Variants in HHIP observed in about 807,000 individuals in gnomAD.
The protein encoded by HHIP is hedgehog-interacting protein.
A neutral mutation model predicts 74.0 loss-of-function variants in HHIP; 12 were observed. The observed-to-expected ratio is 0.16, with a 90% CI of 0.10 to 0.26. The LOEUF (loss-of-function observed/expected upper bound fraction) is 0.26. Ranked by LOEUF, HHIP falls within the 10% of genes least tolerant of loss-of-function variation. The probability of loss-of-function intolerance (pLI) is 1.00; values close to 1 mark genes in which losing one functional copy is unlikely to be tolerated. For missense variants in HHIP, 788 were observed against 845.0 expected, an observed-to-expected ratio of 0.93 and a Z score of 0.84; for synonymous variants, 309 against 311.6, an observed-to-expected ratio of 0.99 and a Z score of 0.09.
At position 144,742,859 on chromosome 4, in the gene HHIP, CTT is replaced by C. The variant is rs1491418262; in HGVS notation, c.*4903_*4904del. The stretch of plus-strand genomic sequence containing the variant: ...TATATATATATCTTTATATATATAT[CTT>C]ATATATATATCTTTTTATATATATC... On this transcript the variant is annotated 3_prime_UTR_variant, in exon 13 of 13. Transcript: ENST00000296575. 4 of 131,370 alleles carry C rather than the reference CTT, an allele frequency of 3.0e-5. No individual in the cohort carries two copies. Among genetic ancestry groups the C allele is most frequent in the Non-Finnish European group, 4.7e-5 (3 of 63,436 alleles). 8.1% of individuals were successfully genotyped at this position (131,370 alleles called of 1,614,324 possible).
At chr4:144,720,908 G>A (rs1206088063) in intron 11 of HHIP, among the ~76,000 whole-genome samples, 1 of 152,084 alleles carries the variant, frequency 6.6e-6, no homozygotes, top group East Asian at 1.9e-4. Flanking sequence ...TATGTGAACA[G>A]GATTATTTTG....
At chr4:144,708,475 C>T (rs1321666184) in intron 7 of HHIP, among the ~76,000 whole-genome samples, 164 bp downstream of exon 7, 1 of 152,214 alleles carries the variant, frequency 6.6e-6, no homozygotes, top group African/African-American at 2.4e-5. Flanking sequence ...GAGTATTTAG[C>T]ACACTGTCTT....
At chr4:144,693,579 T>A (rs1729734523) in intron 4 of HHIP, among the ~76,000 whole-genome samples, 3 of 152,054 alleles carry the variant, frequency 2.0e-5, no homozygotes, top group Non-Finnish European at 4.4e-5. Flanking sequence ...GAGTTTTTTC[T>A]TTTGTGACTT....
In HHIP at chr4:144,652,706, G is replaced by A. The variant is rs369112669; in HGVS notation, c.381G>A (p.Glu127=). Residue 127 remains glutamate (E), a synonymous_variant, in exon 2 of 13, where the codon GAG becomes GAA. Transcript: ENST00000296575. ...PHSQSLFHSP[E]REVLERDLVL... ...CTCAAAGCCTGTTCCACTCACCTGA[G>A]AGAGAAGTCTTGGAAAGAGACCTAG... is the stretch of plus-strand genomic sequence containing the variant. 1.1e-5 allele frequency: 17 copies of A among 1,612,412 alleles called. No individual in the cohort carries two copies. The African/African-American group carries it at 1.3e-4, about 13-fold the overall frequency.
chr4:144,652,228 C>T (rs1256192557), intron 1 of HHIP, among the ~76,000 whole-genome samples: 2 of 151,874 alleles, frequency 1.3e-5, no homozygotes, highest in Non-Finnish European at 2.9e-5. Flanking sequence ...GTTTTGCATG[C>T]GATTGGACAA....
chr4:144,714,440 C>A, intron 9 of HHIP, 92 bp downstream of exon 9: 1 of 1,298,000 alleles, frequency 7.7e-7, no homozygotes, highest in South Asian at 1.3e-5. Flanking sequence ...AAATGATTGT[C>A]TCTTTTTGTG....
At position 144,654,551 on chromosome 4, in the gene HHIP, G is replaced by A. The variant is rs533083111; in HGVS notation, c.472+1754G>A. Among the ~76,000 whole-genome samples, 20 of 152,302 alleles carry A rather than the reference G, an allele frequency of 1.3e-4. No individual in the cohort carries two copies. In the South Asian group the frequency reaches 4.1e-3, roughly 32 times the overall value. ...TTCTCAATACTTGCCCCAAAAGTGA[G>A]CTGTAATAACACAGTCTTTGCATTA... On this transcript the variant is annotated intron_variant, in intron 2 of 12. Coordinates refer to ENST00000296575, the MANE Select transcript of HHIP (RefSeq NM_022475.3).
chr4:144,717,260 G>C (rs1730480037), intron 10 of HHIP, among the ~76,000 whole-genome samples: 1 of 152,122 alleles, frequency 6.6e-6, no homozygotes, highest in African/African-American at 2.4e-5. Context: ...CTGGGACTTT[G>C]CATATTATTT....
intron 10 of HHIP, among the ~76,000 whole-genome samples, chr4:144,718,199 G>A (rs572555125): frequency 1.7e-4 from 26 of 152,156 alleles, no homozygotes; most frequent in Admixed American, 4.6e-4. Context: ...GGGAAGGTGC[G>A]ATTTTAAAGT....
intron 11 of HHIP, among the ~76,000 whole-genome samples, chr4:144,730,844 G>A (rs967590842): frequency 1.3e-5 from 2 of 152,050 alleles, no homozygotes; most frequent in Admixed American, 1.3e-4. Context: ...AGTTATTGGA[G>A]GGGAATGGTT....
intron 4 of HHIP, among the ~76,000 whole-genome samples, chr4:144,687,504 C>G (rs1426494400): frequency 6.6e-6 from 1 of 152,142 alleles, no homozygotes; most frequent in African/African-American, 2.4e-5. Context: ...ATATTTTTGT[C>G]TCCTGCAAGT....
In HHIP at chr4:144,745,004, A is replaced by G. The variant is rs1314655504; in HGVS notation, c.*7047A>G. The G allele has an allele frequency of 1.3e-5, 2 of 152,230 alleles. No homozygotes were observed. Among genetic ancestry groups the G allele is most frequent in the African/African-American group, 4.8e-5 (2 of 41,460 alleles). The allele number at this position is 152,230 out of a possible 1,614,324, so 9.4% of individuals were successfully genotyped here. On this transcript the variant is annotated 3_prime_UTR_variant, in exon 13 of 13. Transcript: ENST00000296575. ...ACACACTATCTATGTAAAATATAAT[A>G]TATGTATAATGCATATAAATTCTAA...
At chr4:144,653,815 T>C (rs991263955) in intron 2 of HHIP, among the ~76,000 whole-genome samples, 1 of 152,182 alleles carries the variant, frequency 6.6e-6, no homozygotes, top group African/African-American at 2.4e-5. Flanking sequence ...TAGGGTTGCT[T>C]GCTCCTTTGC....
chr4:144,689,287 T>A (rs903604746), intron 4 of HHIP, among the ~76,000 whole-genome samples: 4 of 152,260 alleles, frequency 2.6e-5, no homozygotes, highest in Admixed American at 1.3e-4. Context: ...ATATTTTTTG[T>A]ACTTGCTAGT....
At chr4:144,726,773 T>C (rs1316882975) in intron 11 of HHIP, among the ~76,000 whole-genome samples, 1 of 152,204 alleles carries the variant, frequency 6.6e-6, no homozygotes, top group East Asian at 1.9e-4. Context: ...CCTTCTCAAC[T>C]GAGCCGTCAA....
intron 4 of HHIP, among the ~76,000 whole-genome samples, chr4:144,679,460 A>G (rs1382867277): frequency 1.3e-5 from 2 of 152,138 alleles, no homozygotes; most frequent in African/African-American, 4.8e-5. Context: ...GCCCATGCCT[A>G]TGTCCTGAAT....
rs776762240 is a variant in HHIP at position 144,707,252 on chromosome 4, T to C, written c.1149T>C (p.Asp383=). The C allele has an allele frequency of 3.7e-6, 6 of 1,606,406 alleles. No individual in the cohort carries two copies. In the South Asian group the frequency reaches 5.6e-5, roughly 15 times the overall value. The change falls in exon 6 of 13, where the codon GAT becomes GAC. Residue 383 remains aspartate (D), a synonymous_variant. Coordinates refer to ENST00000296575, the MANE Select transcript of HHIP (RefSeq NM_022475.3). ...MITLDDMEEM[D]GLSDFTGSVL... is the part of the protein sequence containing the mutation. ...CACTGGATGATATGGAAGAAATGGA[T>C]GGGTTAAGGTAAAAGGCTGATCACA... is the stretch of plus-strand genomic sequence containing the variant.
intron 4 of HHIP, among the ~76,000 whole-genome samples, chr4:144,678,542 G>GC (rs1006831909): frequency 1.3e-5 from 2 of 151,534 alleles, no homozygotes; most frequent in African/African-American, 4.9e-5. Flanking sequence ...CCCTCCCCTA[G>GC]CCCCCCATCC....
At chr4:144,708,871 T>C (rs1344117270) in intron 7 of HHIP, among the ~76,000 whole-genome samples, 2 of 152,222 alleles carry the variant, frequency 1.3e-5, no homozygotes, top group Non-Finnish European at 2.9e-5. Context: ...GAGCTAAATA[T>C]TAACTTTTAT....
Sources: gnomAD v4.1 joint callset for allele counts (sites outside exome capture counted in the v4.1 genomes callset) on GRCh38, gnomAD v4.1.1 for gene constraint, MANE v1.5 for transcripts, NCBI Gene and HGNC (gene_info 2026-07-23, HGNC 2026-07-21) for gene names.